SLCO1A2: variants seen among roughly 807,000 people sequenced by gnomAD.
SLCO1A2 encodes solute carrier organic anion transporter family member 1A2.
In SLCO1A2, 67 loss-of-function variants were observed where a neutral mutation model predicts 69.0. The ratio of observed to expected loss-of-function variants is 0.97; its 90% CI spans 0.80 to 1.19. The LOEUF (loss-of-function observed/expected upper bound fraction) is 1.19. Ranked by LOEUF, SLCO1A2 falls within the 50% of genes most tolerant of loss-of-function variation. SLCO1A2 has a pLI of 0.00. For missense variants in SLCO1A2, 787 were observed against 793.7 expected, an observed-to-expected ratio of 0.99 and a Z score of 0.10; for synonymous variants, 260 against 265.9, an observed-to-expected ratio of 0.98 and a Z score of 0.22.
At chr12:21,292,410 A>G in intron 11 of SLCO1A2, 74 bp from the exon 12 acceptor site, 1 of 1,203,792 alleles carries the variant, frequency 8.3e-7, no homozygotes, top group South Asian at 1.5e-5. Flanking sequence ...CTACACAGCC[A>G]GTTGGATCAA....
chr12:21,343,901 G>A (rs1394875686), intron 2 of SLCO1A2, among the ~76,000 whole-genome samples: 1 of 152,058 alleles, frequency 6.6e-6, no homozygotes, highest in Non-Finnish European at 1.5e-5. Context: ...GACACTTACT[G>A]TGTCTACCCT....
intron 2 of SLCO1A2, among the ~76,000 whole-genome samples, chr12:21,322,880 C>T (rs548926386): frequency 2.0e-5 from 3 of 152,238 alleles, no homozygotes; most frequent in Non-Finnish European, 4.4e-5. Flanking sequence ...TACATTCTCC[C>T]TCTTCCACCT....
chr12:21,372,524 T>C (rs1939875122), intron 2 of SLCO1A2, among the ~76,000 whole-genome samples: 2 of 152,220 alleles, frequency 1.3e-5, no homozygotes, highest in Admixed American at 6.5e-5. Flanking sequence ...TGAGGTCACT[T>C]GGGTTTAGAT....
intron 4 of SLCO1A2, among the ~76,000 whole-genome samples, chr12:21,312,899 T>G (rs1950398566): frequency 6.7e-6 from 1 of 150,358 alleles, no homozygotes; most frequent in South Asian, 2.1e-4. Context: ...TATGGTGAAA[T>G]CCTGTCTCTA....
chr12:21,396,327 G>A (rs1406382919), upstream of SLCO1A2, among the ~76,000 whole-genome samples: 2 of 150,146 alleles, frequency 1.3e-5, no homozygotes, highest in African/African-American at 4.9e-5. Context: ...AGAGAAAAAA[G>A]AATAAAAAGA....
chr12:21,304,283 A>C, intron 6 of SLCO1A2, 144 bp downstream of exon 6: 1 of 634,332 alleles, frequency 1.6e-6, no homozygotes, highest in Non-Finnish European at 2.7e-6. Context: ...ATCTCCATTC[A>C]ACAAACTTTT....
At chr12:21,310,992 C>G (rs953013242) in intron 4 of SLCO1A2, among the ~76,000 whole-genome samples, 7 of 152,238 alleles carry the variant, frequency 4.6e-5, no homozygotes, top group African/African-American at 1.7e-4. Context: ...GCTGCCTTAT[C>G]ACCTAACTTT....
Position 21,300,539 on chromosome 12 carries a change from C to T in SLCO1A2, c.719G>A (p.Arg240His), listed in dbSNP as rs371960486. Residue 240 changes from arginine (R) to histidine (H), a missense_variant, in exon 8 of 15, where the codon CGT (arginine) becomes CAT (histidine). Coordinates refer to ENST00000683939, the MANE Select transcript of SLCO1A2 (RefSeq NM_001386879.1). ...GCCAAACCACCATGCACCGACCCAA[C>T]GAGTGTCAGTGGGAGTTATGATCAG... Reference protein sequence around the residue: ...DDLIITPTDTRWVGAWWFGFL... With the variant: ...DDLIITPTDTHWVGAWWFGFL... 66 of 1,612,150 alleles carry T rather than the reference C, an allele frequency of 4.1e-5. No homozygotes were observed. The highest frequency in any genetic ancestry group is 4.4e-5 in the South Asian group (4 of 90,748).
intron 2 of SLCO1A2, among the ~76,000 whole-genome samples, chr12:21,370,499 G>T (rs1276113486): frequency 8.4e-6 from 1 of 119,306 alleles, no homozygotes; most frequent in African/African-American, 3.4e-5. Context: ...CCCACAACAG[G>T]CCCTGGTGTG....
chr12:21,292,111 C>G, intron 12 of SLCO1A2, 53 bp downstream of exon 12: 3 of 1,321,224 alleles, frequency 2.3e-6, no homozygotes, highest in Non-Finnish European at 3.1e-6. Flanking sequence ...TTAGAACAAG[C>G]TACCTTAATA....
intron 2 of SLCO1A2, among the ~76,000 whole-genome samples, chr12:21,326,609 C>T (rs1025499981): frequency 6.6e-6 from 1 of 152,122 alleles, no homozygotes; most frequent in Non-Finnish European, 1.5e-5. Flanking sequence ...TTATTGGGAA[C>T]TGGAGCAAAG....
chr12:21,357,300 C>T lies in SLCO1A2; in HGVS notation c.-63+17099G>A, dbSNP rs373260980. On this transcript the variant is annotated intron_variant, in intron 2 of 15. Coordinates refer to the SLCO1A2 transcript ENST00000307378. ...GGGGAAGTTTGGTCACAGAGACACA[C>T]ACACAGGGATAATGCCTCATGGGAA... is the stretch of plus-strand genomic sequence containing the variant. Among the ~76,000 whole-genome samples the T allele has an allele frequency of 1.2e-4, 19 of 152,272 alleles. No homozygotes were observed. In the East Asian group the frequency reaches 1.7e-3, roughly 14 times the overall value.
At chr12:21,309,501 T>TA (rs1949843265) in intron 4 of SLCO1A2, among the ~76,000 whole-genome samples, 1 of 152,128 alleles carries the variant, frequency 6.6e-6, no homozygotes. Context: ...TTACAAGTGT[T>TA]AGATAGAGCT....
chr12:21,335,741 C>T (rs4148978), upstream of SLCO1A2, among the ~76,000 whole-genome samples: 54,841 of 152,022 alleles, frequency 0.36, 10,488 homozygotes, highest in African/African-American at 0.49. Flanking sequence ...ACACACACAT[C>T]AAGGCATAGT....
intron 2 of SLCO1A2, among the ~76,000 whole-genome samples, chr12:21,341,737 A>C (rs1302293847): frequency 6.6e-6 from 1 of 152,064 alleles, no homozygotes; most frequent in Non-Finnish European, 1.5e-5. Context: ...CAAGGTCAGG[A>C]TAGTATCCAT....
chr12:21,404,056 C>T (rs1941782667), intron 1 of SLCO1A2, among the ~76,000 whole-genome samples: 1 of 151,910 alleles, frequency 6.6e-6, no homozygotes, highest in African/African-American at 2.4e-5. Context: ...TATGGGATGC[C>T]ACTGACATTT....
rs372128808 is a variant in SLCO1A2, at chr12:21,326,121, A to G, written c.61-7198T>C. Among the ~76,000 whole-genome samples the G allele has an allele frequency of 1.4e-3, 218 of 152,280 alleles. 7 individuals carry two copies. In the South Asian group the frequency reaches 0.044, roughly 31 times the overall value. On this transcript the variant is annotated intron_variant, in intron 2 of 14. Coordinates refer to ENST00000683939, the MANE Select transcript of SLCO1A2 (RefSeq NM_001386879.1). ...TCTCACAAGATCTGATGGTTTTATA[A>G]AGGGCAGTTCCCTGGCACATGCTCT...
chr12:21,311,377 A>C (rs1432122705), intron 4 of SLCO1A2, among the ~76,000 whole-genome samples: 2 of 151,924 alleles, frequency 1.3e-5, no homozygotes. Context: ...TTCTTTCGAG[A>C]AGGTTTTCAA....
chr12:21,272,572 G>A (rs907298967), intron 14 of SLCO1A2, among the ~76,000 whole-genome samples: 4 of 151,234 alleles, frequency 2.6e-5, no homozygotes, highest in Non-Finnish European at 4.4e-5. Flanking sequence ...CTTATATTTT[G>A]TTGAAATCAT....
Sources: gnomAD v4.1 joint callset for allele counts (sites outside exome capture counted in the v4.1 genomes callset) on GRCh38, gnomAD v4.1.1 for gene constraint, MANE v1.5 for transcripts, NCBI Gene and HGNC (gene_info 2026-07-23, HGNC 2026-07-21) for gene names.